The following HEPHL1 variants were observed in gnomAD, a reference collection of about 807,000 sequenced individuals.
HEPHL1 encodes ferroxidase HEPHL1.
In HEPHL1, 123 loss-of-function variants were observed where a neutral mutation model predicts 122.0. That is an observed-to-expected ratio of 1.01 (90% CI 0.87 to 1.17). The LOEUF (loss-of-function observed/expected upper bound fraction) is 1.17. Among genes scored for constraint, HEPHL1 ranks in the 50% most tolerant of loss-of-function variants. HEPHL1 has a pLI of 0.00. For synonymous variants in HEPHL1, 527 were observed against 508.9 expected, an observed-to-expected ratio of 1.04 and a Z score of -0.48; for missense variants, 1,452 against 1,430.5, an observed-to-expected ratio of 1.01 and a Z score of -0.24.
intron 1 of HEPHL1, 47 bp from the exon 2 acceptor site, chr11:94,045,626 T>A (rs1191454271): frequency 6.7e-7 from 1 of 1,490,296 alleles, no homozygotes; most frequent in Admixed American, 2.1e-5. Flanking sequence ...AGCTATTAGG[T>A]CTTCTCTTTT....
chr11:94,098,727 T>C (rs1565361872), intron 13 of HEPHL1, among the ~76,000 whole-genome samples: 1 of 152,170 alleles, frequency 6.6e-6, no homozygotes, highest in East Asian at 1.9e-4. Flanking sequence ...TACTCTTTTT[T>C]CTCTAAACTT....
intron 2 of HEPHL1, among the ~76,000 whole-genome samples, chr11:94,054,505 T>G (rs1175924031): frequency 1.3e-5 from 2 of 152,236 alleles, no homozygotes; most frequent in East Asian, 3.8e-4. Flanking sequence ...AGCCTTATAG[T>G]AAGAGACAGA....
At chr11:94,084,187 G>A (rs1227196462) in intron 10 of HEPHL1, among the ~76,000 whole-genome samples, 1 of 151,760 alleles carries the variant, frequency 6.6e-6, no homozygotes, top group African/African-American at 2.4e-5. Context: ...AGCCAGGTAT[G>A]GTGGTGTGCA....
chr11:94,085,937 C>T (rs773269139), intron 10 of HEPHL1, 40 bp from the exon 11 acceptor site: 1 of 1,458,148 alleles, frequency 6.9e-7, no homozygotes, highest in Admixed American at 1.7e-5. Flanking sequence ...CTGCCCCATA[C>T]ACACTGATAA....
At chr11:94,023,520 G>C (rs751633478) in intron 1 of HEPHL1, among the ~76,000 whole-genome samples, 51 of 152,286 alleles carry the variant, frequency 3.3e-4, no homozygotes, top group Non-Finnish European at 5.6e-4. Context: ...AGAAGATGGT[G>C]CTTTGATGAA....
chr11:94,050,848 C>A (rs1188886818), intron 2 of HEPHL1, among the ~76,000 whole-genome samples: 1 of 152,088 alleles, frequency 6.6e-6, no homozygotes, highest in Non-Finnish European at 1.5e-5. Flanking sequence ...TGGTATCCAT[C>A]CTTCTATTCT....
intron 15 of HEPHL1, among the ~76,000 whole-genome samples, chr11:94,103,413 T>C (rs187925328): frequency 4.2e-4 from 64 of 152,018 alleles, no homozygotes; most frequent in African/African-American, 1.5e-3. Context: ...TATGTAAATA[T>C]ACAACAATAA....
At chr11:94,096,628 G>A (rs868604094) in intron 13 of HEPHL1, among the ~76,000 whole-genome samples, 1 of 152,146 alleles carries the variant, frequency 6.6e-6, no homozygotes, top group Non-Finnish European at 1.5e-5. Flanking sequence ...GTAGAATTCG[G>A]CTGTAAATAT....
intron 1 of HEPHL1, among the ~76,000 whole-genome samples, chr11:94,042,883 A>AAAAAAAAACAAACAAAC (rs1555058782): frequency 6.0e-5 from 8 of 132,398 alleles, no homozygotes; most frequent in African/African-American, 1.4e-4. Context: ...AATAAAAAAA[A>AAAAAAAAACAAACAAAC]AAAAAAAAAA....
At chr11:94,056,764 A>G (rs1945941273) in intron 2 of HEPHL1, among the ~76,000 whole-genome samples, 1 of 151,984 alleles carries the variant, frequency 6.6e-6, no homozygotes, top group Admixed American at 6.6e-5. Context: ...GGTGCTTTAT[A>G]TTACTTTATG....
chr11:94,043,798 A>C (rs1945808946), intron 1 of HEPHL1, among the ~76,000 whole-genome samples: 2 of 151,872 alleles, frequency 1.3e-5, no homozygotes, highest in South Asian at 2.1e-4. Flanking sequence ...CTTTGACTCC[A>C]GATTAGATGC....
Position 94,086,204 on chromosome 11 carries a change from TC to T in HEPHL1, c.2080+17del. ...AGACCATGCAGGTAAACTTGCTGGG[TC>T]CATCTCAGGTGACCAGATTTCTACC... On this transcript the variant is annotated intron_variant, in intron 11 of 19. Transcript: ENST00000315765. 6.3e-7 allele frequency: 1 copy of T among 1,590,448 alleles called. No homozygotes were observed. The highest frequency in any genetic ancestry group is 8.6e-7 in the Non-Finnish European group (1 of 1,166,594).
intron 11 of HEPHL1, among the ~76,000 whole-genome samples, chr11:94,087,790 G>T (rs564296511): frequency 3.5e-4 from 53 of 152,040 alleles, no homozygotes; most frequent in African/African-American, 1.2e-3. Flanking sequence ...TCAGTGCCTG[G>T]GTGTGCTTGG....
intron 5 of HEPHL1, among the ~76,000 whole-genome samples, chr11:94,069,069 C>T (rs1946055437): frequency 6.6e-6 from 1 of 152,068 alleles, no homozygotes; most frequent in Non-Finnish European, 1.5e-5. Context: ...GAGAAGGTTT[C>T]TATTCTCAAA....
chr11:94,034,287 A>T (rs937655232), intron 1 of HEPHL1, among the ~76,000 whole-genome samples: 3 of 152,136 alleles, frequency 2.0e-5, no homozygotes, highest in African/African-American at 7.2e-5. Flanking sequence ...TGCGGGATGG[A>T]TTCCAGGCTG....
intron 4 of HEPHL1, 96 bp from the exon 5 acceptor site, chr11:94,067,400 G>A: frequency 2.5e-6 from 3 of 1,222,448 alleles, no homozygotes; most frequent in East Asian, 2.3e-5. Flanking sequence ...GGTCTGCACT[G>A]GTTTTCCAGC....
intron 2 of HEPHL1, among the ~76,000 whole-genome samples, chr11:94,060,689 G>A (rs1054430906): frequency 6.6e-6 from 1 of 152,154 alleles, no homozygotes; most frequent in East Asian, 1.9e-4. Context: ...CTCTCAGTGT[G>A]AATGCATTTT....
At chr11:94,093,102 G>A (rs1310018123) in intron 12 of HEPHL1, among the ~76,000 whole-genome samples, 2 of 14,506 alleles carry the variant, frequency 1.4e-4, no homozygotes, top group Admixed American at 2.3e-3. Flanking sequence ...GGACGTGTAT[G>A]TGTGTGTGTG....
chr11:94,080,843 G>A (rs1295993455), intron 9 of HEPHL1, among the ~76,000 whole-genome samples: 3 of 152,156 alleles, frequency 2.0e-5, no homozygotes, highest in Non-Finnish European at 4.4e-5. Context: ...ACTGTTGGTG[G>A]GAATGTAAAT....
Sources: allele counts gnomAD v4.1 joint callset (sites outside exome capture counted in the v4.1 genomes callset), GRCh38; gene constraint gnomAD v4.1.1; transcripts MANE v1.5; gene names NCBI Gene and HGNC (gene_info 2026-07-23, HGNC 2026-07-21).